SLC4A5: variants seen among roughly 807,000 people sequenced by gnomAD.
The protein encoded by SLC4A5 is electrogenic sodium bicarbonate cotransporter 4.
Under a neutral mutation model 120.4 loss-of-function variants are expected in SLC4A5, and 96 were observed. The observed-to-expected ratio is 0.80, with a 90% CI of 0.68 to 0.94. The LOEUF (loss-of-function observed/expected upper bound fraction) is 0.94. Among genes scored for constraint, SLC4A5 ranks in the 40% least tolerant of loss-of-function variants. The pLI is 0.00. For missense variants in SLC4A5, 1,259 were observed against 1,459.5 expected (o/e 0.86, Z 2.24); for synonymous variants, 550 against 571.1 (o/e 0.96, Z 0.53).
chr2:74,252,680 G>A (rs1178360929), intron 15 of SLC4A5, among the ~76,000 whole-genome samples: 1 of 152,026 alleles, frequency 6.6e-6, no homozygotes, highest in African/African-American at 2.4e-5. Context: ...TTGACCTCCT[G>A]GGCTCAATCA....
At chr2:74,306,647 CATTTCTT>C in intron 6 of SLC4A5, 1 of 492,924 alleles carries the variant, frequency 2.0e-6, no homozygotes, top group Middle Eastern at 6.6e-4. Flanking sequence ...TTTGATAGTT[CATTTCTT>C]TTTTTTTTTT....
intron 25 of SLC4A5, among the ~76,000 whole-genome samples, 178 bp downstream of exon 25, chr2:74,231,058 C>T (rs557977211): frequency 2.5e-4 from 38 of 152,206 alleles, no homozygotes; most frequent in African/African-American, 7.9e-4. Flanking sequence ...CCGCCTGCCT[C>T]GGCCTCCCAA....
intron 7 of SLC4A5, among the ~76,000 whole-genome samples, chr2:74,292,461 C>A (rs1404256572): frequency 6.6e-6 from 1 of 152,148 alleles, no homozygotes; most frequent in East Asian, 1.9e-4. Flanking sequence ...CCTGCGGATC[C>A]CACATGTGTG....
intron 3 of SLC4A5, among the ~76,000 whole-genome samples, chr2:74,337,739 T>C (rs1175195292): frequency 6.6e-6 from 1 of 152,222 alleles, no homozygotes; most frequent in Non-Finnish European, 1.5e-5. Flanking sequence ...TTCCTTAAGA[T>C]TGAGCTTGAA....
intron 5 of SLC4A5, among the ~76,000 whole-genome samples, chr2:74,327,486 C>T (rs1343525907): frequency 1.3e-5 from 2 of 152,164 alleles, no homozygotes; most frequent in Admixed American, 1.3e-4. Flanking sequence ...TCCATTGCCT[C>T]GGGGCCCTGC....
At chr2:74,295,370 A>AT (rs1672296946) in intron 7 of SLC4A5, among the ~76,000 whole-genome samples, 1 of 152,176 alleles carries the variant, frequency 6.6e-6, no homozygotes, top group Non-Finnish European at 1.5e-5. Context: ...GCAGTGGCTC[A>AT]TGCCTATAAT....
intron 7 of SLC4A5, among the ~76,000 whole-genome samples, chr2:74,292,749 A>C (rs1672212818): frequency 6.6e-6 from 1 of 152,156 alleles, no homozygotes; most frequent in Non-Finnish European, 1.5e-5. Flanking sequence ...CTCTTAGTAA[A>C]GATCTGGGAG....
intron 8 of SLC4A5, among the ~76,000 whole-genome samples, chr2:74,270,304 G>A (rs1321137256): frequency 6.6e-6 from 1 of 152,212 alleles, no homozygotes; most frequent in Non-Finnish European, 1.5e-5. Context: ...AAGGAAACAT[G>A]GAGGACCAAA....
intron 7 of SLC4A5, among the ~76,000 whole-genome samples, chr2:74,295,748 T>C: frequency 6.6e-6 from 1 of 152,212 alleles, no homozygotes; most frequent in South Asian, 2.1e-4. Flanking sequence ...CTCACCTATG[T>C]GCCTTAAACG....
chr2:74,241,465 G>T (rs917945856), intron 20 of SLC4A5, among the ~76,000 whole-genome samples: 2 of 151,822 alleles, frequency 1.3e-5, no homozygotes, highest in African/African-American at 2.4e-5. Flanking sequence ...AGGGGGCCAG[G>T]CGCGGTGGCT....
intron 8 of SLC4A5, among the ~76,000 whole-genome samples, chr2:74,278,060 T>A (rs764838852): frequency 6.6e-6 from 1 of 152,336 alleles, no homozygotes; most frequent in Middle Eastern, 3.4e-3. Flanking sequence ...AATATATATT[T>A]GGATATATAA....
chr2:74,221,718 C>T (rs956225924), intron 29 of SLC4A5, among the ~76,000 whole-genome samples: 4 of 151,948 alleles, frequency 2.6e-5, no homozygotes, highest in African/African-American at 9.7e-5. Flanking sequence ...CATGGGAGGG[C>T]CAGGGAAGAG....
intron 16 of SLC4A5, 79 bp from the exon 17 acceptor site, chr2:74,250,596 G>T (rs1670760299): frequency 6.4e-7 from 1 of 1,552,102 alleles, no homozygotes; most frequent in Admixed American, 1.8e-5. Flanking sequence ...AGAACTTGCA[G>T]AGTCTGGGGC....
At chr2:74,325,763 C>T (rs566621390) in intron 5 of SLC4A5, among the ~76,000 whole-genome samples, 1 of 151,426 alleles carries the variant, frequency 6.6e-6, no homozygotes, top group Non-Finnish European at 1.5e-5. Flanking sequence ...GTGATTTGTC[C>T]TGGATCACAG....
At chr2:74,290,409 GAGA>G (rs1672119632) in intron 7 of SLC4A5, 1 of 985,318 alleles carries the variant, frequency 1.0e-6, no homozygotes. Context: ...GGTGTGGGGA[GAGA>G]AGAAGGGGGG....
At chr2:74,296,903 C>T (rs1025651299) in intron 7 of SLC4A5, among the ~76,000 whole-genome samples, 1 of 152,060 alleles carries the variant, frequency 6.6e-6, no homozygotes, top group African/African-American at 2.4e-5. Context: ...ATTTTCTATC[C>T]TAACCCTTGG....
intron 5 of SLC4A5, among the ~76,000 whole-genome samples, chr2:74,319,206 C>T (rs1673036022): frequency 6.6e-6 from 1 of 151,912 alleles, no homozygotes; most frequent in Admixed American, 6.6e-5. Context: ...ACTGGAGACT[C>T]CAAAAGGTAG....
exon 12 of SLC4A5, chr2:74,259,603 G>A (rs765113296): frequency 3.0e-5 from 48 of 1,614,036 alleles, no homozygotes; most frequent in Non-Finnish European, 3.6e-5. Flanking sequence ...CTGTGTTTGG[G>A]GTGAGAGAAA....
At chr2:74,246,477 T>C (rs2103969905) in intron 19 of SLC4A5, among the ~76,000 whole-genome samples, 1 of 152,340 alleles carries the variant, frequency 6.6e-6, no homozygotes, top group East Asian at 1.9e-4. Context: ...CCTTCTCTCA[T>C]AACTCTCATA....
Sources: gnomAD v4.1 joint callset for allele counts (sites outside exome capture counted in the v4.1 genomes callset) on GRCh38, gnomAD v4.1.1 for gene constraint, MANE v1.5 for transcripts, NCBI Gene and HGNC (gene_info 2026-07-23, HGNC 2026-07-21) for gene names.